EPHA10: variants seen among roughly 807,000 people sequenced by gnomAD.
EPHA10 encodes ephrin type-A receptor 10.
A neutral mutation model predicts 109.7 loss-of-function variants in EPHA10; 120 were observed. The ratio of observed to expected loss-of-function variants is 1.09; its 90% CI spans 0.94 to 1.27. EPHA10 has a LOEUF of 1.27. Among genes scored for constraint, EPHA10 ranks in the 50% most tolerant of loss-of-function variants. The pLI is 0.00. For missense variants in EPHA10, 1,396 were observed against 1,411.1 expected, an observed-to-expected ratio of 0.99 and a Z score of 0.17; for synonymous variants, 640 against 618.9, an observed-to-expected ratio of 1.03 and a Z score of -0.51.
At chr1:37,752,414 C>T (rs1646341688) in intron 5 of EPHA10, among the ~76,000 whole-genome samples, 1 of 152,026 alleles carries the variant, frequency 6.6e-6, no homozygotes, top group Non-Finnish European at 1.5e-5. Flanking sequence ...GATCCGGCTT[C>T]CCGAGACAGA....
chr1:37,752,324 C>T (rs1646339747), intron 5 of EPHA10, among the ~76,000 whole-genome samples: 1 of 152,110 alleles, frequency 6.6e-6, no homozygotes, highest in Non-Finnish European at 1.5e-5. Flanking sequence ...CTTGCCCTTT[C>T]CCGGGACCAG....
intron 3 of EPHA10, among the ~76,000 whole-genome samples, chr1:37,757,105 G>A (rs1479892979): frequency 6.6e-6 from 1 of 152,152 alleles, no homozygotes; most frequent in Non-Finnish European, 1.5e-5. Flanking sequence ...GGGATTACAG[G>A]TGTGAGCCAC....
chr1:37,738,054 T>C (rs1036058148), intron 5 of EPHA10: 1 of 147,166 alleles, frequency 6.8e-6, no homozygotes, highest in East Asian at 2.1e-4. Flanking sequence ...TCAGACCAGC[T>C]TGAGTAGACA....
intron 7 of EPHA10, among the ~76,000 whole-genome samples, chr1:37,730,853 G>A (rs1412061992): frequency 5.9e-5 from 9 of 151,806 alleles, no homozygotes; most frequent in African/African-American, 2.2e-4. Flanking sequence ...CACCACGCCC[G>A]GCTGATTTTT....
At chr1:37,733,366 C>T (rs1029093197) in intron 6 of EPHA10, among the ~76,000 whole-genome samples, 3 of 152,050 alleles carry the variant, frequency 2.0e-5, no homozygotes, top group Non-Finnish European at 2.9e-5. Context: ...GGACCACAGG[C>T]GCACACCACC....
chr1:37,762,601 T>G (rs1311230501), intron 2 of EPHA10, among the ~76,000 whole-genome samples, 184 bp downstream of exon 2: 1 of 150,388 alleles, frequency 6.6e-6, no homozygotes, highest in Non-Finnish European at 1.5e-5. Context: ...TTTTTTTTTT[T>G]GACTGTCTAA....
chr1:37,735,268 A>T lies in EPHA10; in HGVS notation c.1480T>A (p.Tyr494Asn). Reference sequence around the variant, plus strand: ...AGACACGCACTCACCTTCTCGTAGTATCGGATCTCGTACTCCGTGTCATTG... The same window carrying T: ...AGACACGCACTCACCTTCTCGTAGTTTCGGATCTCGTACTCCGTGTCATTG... Reference protein sequence around the residue: ...GANDTEYEIRYYEKGQSEQTY... With the variant: ...GANDTEYEIRNYEKGQSEQTY... The change falls in exon 6 of 17, where the codon TAC (tyrosine) becomes AAC (asparagine). Residue 494 changes from tyrosine (Y) to asparagine (N), a missense_variant. By Grantham distance (143) the Tyr-to-Asn change is moderately radical (BLOSUM62 -2). Transcript: ENST00000373048. 6.4e-7 allele frequency: 1 copy of T among 1,566,838 alleles called. No individual in the cohort carries two copies. Among genetic ancestry groups the T allele is most frequent in the Non-Finnish European group, 8.7e-7 (1 of 1,155,824 alleles).
Position 37,761,772 on chromosome 1 carries a change from G to A in EPHA10, c.483C>T (p.Phe161=). Residue 161 remains phenylalanine (F), a synonymous_variant, in exon 3 of 17, where the codon TTC becomes TTT. Transcript: ENST00000373048. ...KIDTIAADES[F]TQGDLGERKM... ...TGCGCTCACCCAGGTCGCCCTGCGT[G>A]AAGCTCTCGTCCGCCGCGATCGTGT... The A allele has an allele frequency of 6.2e-7, 1 of 1,613,780 alleles. No individual in the cohort carries two copies. Among genetic ancestry groups the A allele is most frequent in the Non-Finnish European group, 8.5e-7 (1 of 1,179,840 alleles).
chr1:37,762,570 C>G (rs1285150561), intron 2 of EPHA10, among the ~76,000 whole-genome samples: 3 of 148,640 alleles, frequency 2.0e-5, no homozygotes, highest in African/African-American at 7.6e-5. Flanking sequence ...AGCCAGTTCT[C>G]TCCTCACTTA....
chr1:37,740,288 T>A (rs180867515), intron 5 of EPHA10, among the ~76,000 whole-genome samples: 1 of 152,056 alleles, frequency 6.6e-6, no homozygotes, highest in African/African-American at 2.4e-5. Flanking sequence ...GCTTTTATTT[T>A]ATTTTATTAT....
At chr1:37,729,096 G>A (rs1447907518) in intron 7 of EPHA10, among the ~76,000 whole-genome samples, 1 of 152,152 alleles carries the variant, frequency 6.6e-6, no homozygotes, top group Non-Finnish European at 1.5e-5. Context: ...CACAGTCTCT[G>A]GAAGAATCCA....
intron 6 of EPHA10, among the ~76,000 whole-genome samples, chr1:37,732,130 C>T (rs1439952695): frequency 6.6e-6 from 1 of 152,168 alleles, no homozygotes; most frequent in Admixed American, 6.6e-5. Context: ...TAAAGACTCC[C>T]CCAAGGCCCC....
At chr1:37,753,310 C>T (rs1361682414) in intron 4 of EPHA10, 84 bp from the exon 5 acceptor site, 2 of 882,546 alleles carry the variant, frequency 2.3e-6, no homozygotes, top group Non-Finnish European at 3.0e-6. Flanking sequence ...GGGGCGGGGT[C>T]TTGTCCACCC....
chr1:37,731,756 T>C (rs1645987680), intron 6 of EPHA10, among the ~76,000 whole-genome samples, 174 bp from the exon 7 acceptor site: 1 of 152,176 alleles, frequency 6.6e-6, no homozygotes, highest in South Asian at 2.1e-4. Flanking sequence ...CCTTGGATCC[T>C]TAGCCCCTGT....
rs919863601 is a variant in EPHA10, at chr1:37,744,309, C to T, written c.1357+8567G>A. Among the ~76,000 whole-genome samples the T allele has an allele frequency of 2.7e-4, 41 of 150,350 alleles. 1 individual carries two copies. The highest frequency in any genetic ancestry group is 8.3e-4 in the African/African-American group (34 of 40,876). On this transcript the variant is annotated intron_variant, in intron 5 of 16. Transcript: ENST00000373048. ...CGGGTGGATCACGAGGTCAGGAGTTCGAGACCAGCCTGGCCAACATGGTAA... is the reference window on the plus strand; with the variant it reads ...CGGGTGGATCACGAGGTCAGGAGTTTGAGACCAGCCTGGCCAACATGGTAA...
rs150164806 is a variant in EPHA10, at chr1:37,724,352, C to T, written c.1773-980G>A. 5.5e-3 allele frequency among the ~76,000 whole-genome samples: 835 copies of T among 152,202 alleles called. 6 individuals carry two copies. Among genetic ancestry groups the T allele is most frequent in the African/African-American group, 0.018 (759 of 41,506 alleles). ...TGGGGGATAAGCAGGGAAGATAAGA[C>T]GGGCGTTCGACGTGTGTGTGTGTGT... On this transcript the variant is annotated intron_variant, in intron 8 of 16. Coordinates refer to ENST00000373048, the MANE Select transcript of EPHA10 (RefSeq NM_001099439.2).
chr1:37,739,949 C>T (rs1646128441), intron 5 of EPHA10, among the ~76,000 whole-genome samples: 1 of 151,994 alleles, frequency 6.6e-6, no homozygotes, highest in Non-Finnish European at 1.5e-5. Flanking sequence ...AAACAATTAG[C>T]TGGGCATGGT....
chr1:37,754,228 C>G lies in EPHA10; in HGVS notation c.993G>C (p.Ser331=). 7.7e-7 allele frequency: 1 copy of G among 1,303,526 alleles called. No individual in the cohort carries two copies. Among genetic ancestry groups the G allele is most frequent in the Non-Finnish European group, 9.8e-7 (1 of 1,019,532 alleles). The allele number at this position is 1,303,526 out of a possible 1,614,324, so 80.7% of individuals were successfully genotyped here. The part of the protein sequence containing the change: ...SYARSPTDPP[S]ASCTRPPSAP... Reference sequence around the variant, plus strand: ...GGGGGGACTCACGGGTGCAGGAAGCCGAGGGCGGGTCGGTGGGTGAGCGCG... The same window carrying G: ...GGGGGGACTCACGGGTGCAGGAAGCGGAGGGCGGGTCGGTGGGTGAGCGCG... The change falls in exon 4 of 17, where the codon TCG becomes TCC. Residue 331 remains serine, a synonymous_variant. Transcript: ENST00000373048. This position sits in a 1 kb window ranked among gnomAD's most constrained non-coding sequence, Gnocchi z 4.5.
At chr1:37,742,752 T>G (rs1402268315) in intron 5 of EPHA10, among the ~76,000 whole-genome samples, 1 of 152,084 alleles carries the variant, frequency 6.6e-6, no homozygotes, top group Admixed American at 6.6e-5. Flanking sequence ...TTGAGAGGCA[T>G]AGATGGGGGT....
Sources: gnomAD v4.1 joint callset for allele counts (sites outside exome capture counted in the v4.1 genomes callset) on GRCh38, gnomAD v4.1.1 for gene constraint, Gnocchi (gnomAD v3.1) non-coding constraint, MANE v1.5 for transcripts, NCBI Gene and HGNC (gene_info 2026-07-23, HGNC 2026-07-21) for gene names.